The following NLGN1 variants were observed in gnomAD, a reference collection of about 807,000 sequenced individuals.
The protein encoded by NLGN1 is neuroligin-1.
Under a neutral mutation model 65.5 loss-of-function variants are expected in NLGN1, and 12 were observed. The observed-to-expected ratio is 0.18, with a 90% CI of 0.12 to 0.30. The LOEUF (loss-of-function observed/expected upper bound fraction) is 0.30, where lower values mean the gene tolerates loss of function less well. NLGN1 is among the 10% of genes least tolerant of loss of function. The pLI is 1.00. For synonymous variants in NLGN1, 350 were observed against 359.5 expected, an observed-to-expected ratio of 0.97 and a Z score of 0.30; for missense variants, 750 against 1,007.1, an observed-to-expected ratio of 0.74 and a Z score of 3.46.
intron 3 of NLGN1, among the ~76,000 whole-genome samples, chr3:173,760,115 C>T (rs1437454498): frequency 1.3e-5 from 2 of 151,898 alleles, no homozygotes; most frequent in African/African-American, 4.8e-5. Context: ...TTTTGCATTC[C>T]TATAAAATCA....
At chr3:174,158,189 T>A (rs1285439059) in intron 4 of NLGN1, among the ~76,000 whole-genome samples, 2 of 151,784 alleles carry the variant, frequency 1.3e-5, no homozygotes, top group East Asian at 3.9e-4. Context: ...CAGTTTTTAG[T>A]CTCCTTTTAT....
intron 4 of NLGN1, among the ~76,000 whole-genome samples, chr3:173,970,272 A>G (rs1715915190): frequency 6.6e-6 from 1 of 152,164 alleles, no homozygotes; most frequent in African/African-American, 2.4e-5. Flanking sequence ...AGTGAAGACT[A>G]GTAATATTTT....
chr3:174,176,413 AT>A (rs1729455861), intron 4 of NLGN1, among the ~76,000 whole-genome samples: 1 of 151,908 alleles, frequency 6.6e-6, no homozygotes, highest in Non-Finnish European at 1.5e-5. Context: ...CATCAGTGGT[AT>A]TTTTAAAAGT....
At chr3:174,061,100 G>A (rs1180858346) in intron 4 of NLGN1, among the ~76,000 whole-genome samples, 1 of 151,974 alleles carries the variant, frequency 6.6e-6, no homozygotes, top group Admixed American at 6.6e-5. Context: ...TTTCACTTGG[G>A]ATCTTCTGTG....
chr3:173,770,209 G>A (rs1779379824), intron 3 of NLGN1, among the ~76,000 whole-genome samples: 1 of 152,076 alleles, frequency 6.6e-6, no homozygotes, highest in South Asian at 2.1e-4. Flanking sequence ...CCTGGTGCTG[G>A]AATAAAAATG....
intron 2 of NLGN1, among the ~76,000 whole-genome samples, chr3:173,539,752 A>ACATATATGTGCATATGC (rs1560407260): frequency 1.8e-5 from 2 of 114,222 alleles, no homozygotes; most frequent in African/African-American, 7.8e-5. Context: ...GTACATATAT[A>ACATATATGTGCATATGC]ACATATACAT....
At chr3:174,054,963 T>G (rs1735725867) in intron 4 of NLGN1, among the ~76,000 whole-genome samples, 1 of 151,938 alleles carries the variant, frequency 6.6e-6, no homozygotes, top group Non-Finnish European at 1.5e-5. Context: ...CCCTTTCTTC[T>G]GCTCCCGACT....
At chr3:173,725,168 A>G (rs990144142) in intron 3 of NLGN1, among the ~76,000 whole-genome samples, 1 of 152,126 alleles carries the variant, frequency 6.6e-6, no homozygotes, top group Non-Finnish European at 1.5e-5. Context: ...CCTAGAACTT[A>G]AAGTATAATA....
At chr3:173,463,569 T>A (rs80045527) in intron 2 of NLGN1, among the ~76,000 whole-genome samples, 1 of 152,218 alleles carries the variant, frequency 6.6e-6, no homozygotes, top group Non-Finnish European at 1.5e-5. Context: ...ATCGTTGTCA[T>A]TGTTGAATTG....
intron 2 of NLGN1, among the ~76,000 whole-genome samples, chr3:173,509,110 T>C (rs959996259): frequency 1.3e-5 from 2 of 152,158 alleles, no homozygotes; most frequent in African/African-American, 4.8e-5. Flanking sequence ...TGTTGAAACC[T>C]GAAGTTCATT....
At chr3:174,243,792 A>G (rs1311794816) in intron 4 of NLGN1, among the ~76,000 whole-genome samples, 3 of 152,222 alleles carry the variant, frequency 2.0e-5, no homozygotes, top group Non-Finnish European at 4.4e-5. Context: ...TATCCTGAGT[A>G]TACACAATCA....
intron 4 of NLGN1, among the ~76,000 whole-genome samples, chr3:173,839,864 G>A (rs1186265709): frequency 5.7e-5 from 5 of 87,138 alleles, no homozygotes; most frequent in African/African-American, 1.9e-4. Flanking sequence ...ATTAGGAAAT[G>A]TGGTATTATA....
At chr3:174,225,591 C>T (rs1368553995) in intron 4 of NLGN1, among the ~76,000 whole-genome samples, 1 of 152,070 alleles carries the variant, frequency 6.6e-6, no homozygotes, top group Non-Finnish European at 1.5e-5. Context: ...ATTCTCTGGG[C>T]GTGGTGGCGG....
chr3:174,111,672 A>G (rs1715247434), intron 4 of NLGN1, among the ~76,000 whole-genome samples: 1 of 151,998 alleles, frequency 6.6e-6, no homozygotes, highest in Admixed American at 6.6e-5. Context: ...TGTAGTGAAC[A>G]CAAGGTTATA....
chr3:173,892,739 G>C (rs1203968583), intron 4 of NLGN1, among the ~76,000 whole-genome samples: 2 of 152,128 alleles, frequency 1.3e-5, no homozygotes, highest in African/African-American at 4.8e-5. Context: ...GGAGCCACTG[G>C]GCAGGAAAAT....
intron 4 of NLGN1, among the ~76,000 whole-genome samples, chr3:174,025,680 A>T (rs1728691680): frequency 6.6e-6 from 1 of 152,216 alleles, no homozygotes. Context: ...AATCAGATGG[A>T]CAAAAATTAG....
At chr3:173,782,232 T>A (rs966165730) in intron 3 of NLGN1, among the ~76,000 whole-genome samples, 1 of 152,116 alleles carries the variant, frequency 6.6e-6, no homozygotes, top group Non-Finnish European at 1.5e-5. Flanking sequence ...GCAGGGAAAG[T>A]ACATAATACA....
intron 3 of NLGN1, among the ~76,000 whole-genome samples, chr3:173,803,297 G>A (rs1715871141): frequency 1.3e-5 from 2 of 151,934 alleles, no homozygotes; most frequent in Non-Finnish European, 2.9e-5. Flanking sequence ...AATTTTAATG[G>A]TGCTAATAAT....
At chr3:173,750,476 G>C (rs1412557161) in intron 3 of NLGN1, among the ~76,000 whole-genome samples, 1 of 152,078 alleles carries the variant, frequency 6.6e-6, no homozygotes, top group Non-Finnish European at 1.5e-5. Flanking sequence ...TGCATTGTCA[G>C]AGTATTCTAT....
Sources: allele counts gnomAD v4.1 joint callset (sites outside exome capture counted in the v4.1 genomes callset), GRCh38; gene constraint gnomAD v4.1.1; transcripts MANE v1.5; gene names NCBI Gene and HGNC (gene_info 2026-07-23, HGNC 2026-07-21).